GUCY1A2: variants seen among roughly 807,000 people sequenced by gnomAD.
The protein encoded by GUCY1A2 is guanylate cyclase 1 soluble subunit alpha 2, also known as guanylate cyclase soluble subunit alpha-2.
A neutral mutation model predicts 63.5 loss-of-function variants in GUCY1A2; 27 were observed. The observed-to-expected ratio is 0.43, with a 90% confidence interval of 0.31 to 0.59. The LOEUF is 0.59. Among genes scored for constraint, GUCY1A2 ranks in the 20% least tolerant of loss-of-function variants. The pLI is 0.11. For synonymous variants in GUCY1A2, 364 were observed against 343.5 expected (o/e 1.06, Z -0.66); for missense variants, 768 against 913.3 (o/e 0.84, Z 2.05).
Position 106,678,033 on chromosome 11 carries a change from C to T in GUCY1A2, c.*9516G>A. 1 of 201,630 alleles carries T rather than the reference C, an allele frequency of 5.0e-6. No homozygotes were observed. Among genetic ancestry groups the T allele is most frequent in the Non-Finnish European group, 1.0e-5 (1 of 97,904 alleles). The allele number at this position is 201,630 out of a possible 1,614,324, so 12.5% of individuals were successfully genotyped here. ...TGAATTTTATGAGTGCCTGGTGACACACTTGAAACAAATTTTAAAAGAAGA... is the reference window on the plus strand; with the variant it reads ...TGAATTTTATGAGTGCCTGGTGACATACTTGAAACAAATTTTAAAAGAAGA... On this transcript the variant is annotated 3_prime_UTR_variant, in exon 8 of 8. Transcript: ENST00000526355.
chr11:106,790,278 T>C (rs189094607), intron 5 of GUCY1A2, among the ~76,000 whole-genome samples: 46 of 152,186 alleles, frequency 3.0e-4, no homozygotes, highest in Non-Finnish European at 5.7e-4. Context: ...ACCACCACCA[T>C]AGGCCCACAG....
intron 4 of GUCY1A2, among the ~76,000 whole-genome samples, chr11:106,915,248 A>T (rs367953032): frequency 2.6e-5 from 4 of 152,278 alleles, no homozygotes; most frequent in East Asian, 3.9e-4. Context: ...CTTTATTAAA[A>T]GTAATAATAG....
chr11:106,840,489 A>G (rs1859181689), intron 4 of GUCY1A2, among the ~76,000 whole-genome samples: 1 of 151,998 alleles, frequency 6.6e-6, no homozygotes, highest in East Asian at 1.9e-4. Context: ...CTTCTCCAGA[A>G]AGGCAAAATA....
chr11:106,889,488 T>A (rs1030181353), intron 4 of GUCY1A2, among the ~76,000 whole-genome samples: 1 of 152,194 alleles, frequency 6.6e-6, no homozygotes, highest in African/African-American at 2.4e-5. Flanking sequence ...TCTATTTCAA[T>A]TGTCTCACAG....
intron 3 of GUCY1A2, among the ~76,000 whole-genome samples, chr11:106,965,194 G>A (rs936923460): frequency 6.6e-6 from 1 of 151,952 alleles, no homozygotes; most frequent in Non-Finnish European, 1.5e-5. Flanking sequence ...CTCCTTTCCT[G>A]TAGTTTAAAA....
chr11:106,906,735 A>G (rs1591322410), intron 4 of GUCY1A2, among the ~76,000 whole-genome samples: 1 of 152,186 alleles, frequency 6.6e-6, no homozygotes, highest in African/African-American at 2.4e-5. Flanking sequence ...GCACAGATAC[A>G]CCATGGAATA....
intron 1 of GUCY1A2, among the ~76,000 whole-genome samples, chr11:107,002,388 G>GGTGGGT (rs1555060061): frequency 6.7e-6 from 1 of 149,034 alleles, no homozygotes; most frequent in Non-Finnish European, 1.5e-5. Context: ...AATAAGAACA[G>GGTGGGT]GTGTGTGTGT....
chr11:107,003,886 G>C (rs1187834301), intron 1 of GUCY1A2, among the ~76,000 whole-genome samples: 3 of 152,182 alleles, frequency 2.0e-5, no homozygotes, highest in Non-Finnish European at 4.4e-5. Flanking sequence ...GGGTAGAGAA[G>C]AAAGCAGAAT....
At chr11:106,800,764 G>A (rs924887056) in intron 5 of GUCY1A2, among the ~76,000 whole-genome samples, 1 of 152,018 alleles carries the variant, frequency 6.6e-6, no homozygotes, top group African/African-American at 2.4e-5. Flanking sequence ...GGGAGGGATA[G>A]CATTAGGAGA....
chr11:106,801,571 A>C (rs778720837), intron 5 of GUCY1A2, among the ~76,000 whole-genome samples: 2 of 152,230 alleles, frequency 1.3e-5, no homozygotes, highest in South Asian at 4.1e-4. Context: ...TTGCTTTCTA[A>C]AATTTGAGCT....
chr11:106,718,504 T>C (rs1360771008), intron 6 of GUCY1A2, among the ~76,000 whole-genome samples: 1 of 152,096 alleles, frequency 6.6e-6, no homozygotes, highest in Non-Finnish European at 1.5e-5. Flanking sequence ...AGGGCACTCA[T>C]TAATGTGTAT....
At chr11:106,948,075 T>C (rs527593004) in intron 3 of GUCY1A2, among the ~76,000 whole-genome samples, 1 of 152,254 alleles carries the variant, frequency 6.6e-6, no homozygotes, top group African/African-American at 2.4e-5. Context: ...AATGGGTAAG[T>C]ATCTGGCAAA....
chr11:106,885,439 G>C (rs1337857060), intron 4 of GUCY1A2, among the ~76,000 whole-genome samples: 1 of 152,046 alleles, frequency 6.6e-6, no homozygotes, highest in Admixed American at 6.6e-5. Context: ...TGCTCAGGTG[G>C]GTGGGAAAAA....
At chr11:106,794,743 C>T (rs1864724208) in intron 5 of GUCY1A2, among the ~76,000 whole-genome samples, 1 of 151,720 alleles carries the variant, frequency 6.6e-6, no homozygotes, top group Admixed American at 6.6e-5. Context: ...AGTGTTATTA[C>T]CCAATGCCTA....
At chr11:106,779,481 T>C (rs904553174) in intron 5 of GUCY1A2, among the ~76,000 whole-genome samples, 1 of 152,208 alleles carries the variant, frequency 6.6e-6, no homozygotes, top group African/African-American at 2.4e-5. Context: ...CTATTAGCTG[T>C]GTACTTCAAA....
chr11:106,973,880 T>C (rs1487509908), intron 3 of GUCY1A2, among the ~76,000 whole-genome samples: 1 of 152,124 alleles, frequency 6.6e-6, no homozygotes, highest in Non-Finnish European at 1.5e-5. Context: ...TTATATACCA[T>C]GCTGTTCTAA....
Position 106,677,931 on chromosome 11 carries a change from A to G in GUCY1A2, c.*9618T>C, listed in dbSNP as rs1350572720. On this transcript the variant is annotated 3_prime_UTR_variant, in exon 8 of 8. Transcript: ENST00000526355. ...CAGGAGAATTTTTTTTAGACAGAAT[A>G]AAATTGTTTTTAAGGATCAAATGAA... 5.0e-6 allele frequency: 1 copy of G among 200,672 alleles called. No homozygotes were observed. The highest frequency in any genetic ancestry group is 1.0e-5 in the Non-Finnish European group (1 of 97,330). The allele number at this position is 200,672 out of a possible 1,614,324, so 12.4% of individuals were successfully genotyped here.
At position 106,679,174 on chromosome 11, in the gene GUCY1A2, A is replaced by C. The variant is rs1303685869; in HGVS notation, c.*8375T>G. The C allele has an allele frequency of 2.1e-5, 4 of 186,202 alleles. No homozygotes were observed. Among genetic ancestry groups the C allele is most frequent in the African/African-American group, 9.4e-5 (4 of 42,682 alleles). 11.5% of individuals were successfully genotyped at this position (186,202 alleles called of 1,614,324 possible). On this transcript the variant is annotated 3_prime_UTR_variant, in exon 8 of 8. Coordinates refer to ENST00000526355, the MANE Select transcript of GUCY1A2 (RefSeq NM_000855.3). Reference sequence around the variant, plus strand: ...TGCTCAGGTTTGTTCCCTCCTTTTAAAGTTTCTGTTCTAAACAAACTCTAT... The same window carrying C: ...TGCTCAGGTTTGTTCCCTCCTTTTACAGTTTCTGTTCTAAACAAACTCTAT...
intron 4 of GUCY1A2, among the ~76,000 whole-genome samples, chr11:106,861,777 A>G (rs1859516171): frequency 6.6e-6 from 1 of 152,016 alleles, no homozygotes; most frequent in Admixed American, 6.6e-5. Context: ...TGGGGAAATT[A>G]CTCATTTAAA....
Sources: allele counts gnomAD v4.1 joint callset (sites outside exome capture counted in the v4.1 genomes callset), GRCh38; gene constraint gnomAD v4.1.1; transcripts MANE v1.5; gene names NCBI Gene and HGNC (gene_info 2026-07-23, HGNC 2026-07-21).